CSMD1: variants seen among roughly 807,000 people sequenced by gnomAD.
CSMD1 encodes the protein CUB and Sushi multiple domains 1.
CSMD1 carries 213 observed loss-of-function variants against 417.5 expected under a neutral mutation model. The observed-to-expected ratio is 0.51, with a 90% CI of 0.46 to 0.57. The LOEUF is 0.57. Among genes scored for constraint, CSMD1 ranks in the 20% least tolerant of loss-of-function variants. The pLI, the probability that CSMD1 is intolerant of heterozygous loss-of-function variation, is 0.00. For synonymous variants in CSMD1, 2,862 were observed against 1,736.8 expected, an observed-to-expected ratio of 1.65 and a Z score of -16.11; for missense variants, 6,923 against 4,529.7, an observed-to-expected ratio of 1.53 and a Z score of -15.17.
intron 6 of CSMD1, among the ~76,000 whole-genome samples, chr8:3,747,843 T>A (rs1797135520): frequency 1.3e-5 from 2 of 152,330 alleles, no homozygotes; most frequent in Admixed American, 6.5e-5. Flanking sequence ...TTCAAGCTGT[T>A]TGTTTTAGTT....
intron 5 of CSMD1, among the ~76,000 whole-genome samples, chr8:3,762,707 G>A (rs11136661): frequency 0.2 from 30,108 of 152,172 alleles, 3,435 homozygotes; most frequent in South Asian, 0.29. Flanking sequence ...AAAGCTGTCC[G>A]TCTGCAAAGA....
At chr8:3,640,787 G>A (rs994117728) in intron 7 of CSMD1, among the ~76,000 whole-genome samples, 1 of 152,094 alleles carries the variant, frequency 6.6e-6, no homozygotes, top group Non-Finnish European at 1.5e-5. Flanking sequence ...GTGTGGGGAA[G>A]AGACGGCCTC....
At chr8:3,838,587 TC>T (rs1452892991) in intron 5 of CSMD1, among the ~76,000 whole-genome samples, 2 of 141,166 alleles carry the variant, frequency 1.4e-5, no homozygotes, top group South Asian at 2.2e-4. Flanking sequence ...ATATCTATAG[TC>T]CCTCTCTATA....
intron 5 of CSMD1, among the ~76,000 whole-genome samples, chr8:3,754,385 G>C (rs969302774): frequency 2.0e-5 from 3 of 152,090 alleles, no homozygotes; most frequent in Middle Eastern, 3.4e-3. Flanking sequence ...AAAAGAAATA[G>C]GAAAATGATA....
In CSMD1 at chr8:3,398,920, T is replaced by G. The variant is rs138250598; in HGVS notation, c.2405+471A>C. On this transcript the variant is annotated intron_variant, in intron 16 of 69. Coordinates refer to ENST00000635120, the MANE Select transcript of CSMD1 (RefSeq NM_033225.6). Reference sequence around the variant, plus strand: ...AGTGATAATGTCACTCATAGGCGATTAGTTGGTGATTGATCTGCTGTCCGC... The same window carrying G: ...AGTGATAATGTCACTCATAGGCGATGAGTTGGTGATTGATCTGCTGTCCGC... Among the ~76,000 whole-genome samples, 699 of 152,262 alleles carry G rather than the reference T, an allele frequency of 4.6e-3. 3 individuals carry two copies. Among genetic ancestry groups the G allele is most frequent in the Middle Eastern group, 0.034 (10 of 294 alleles).
At chr8:3,677,128 C>G (rs979904354) in intron 7 of CSMD1, among the ~76,000 whole-genome samples, 4 of 151,922 alleles carry the variant, frequency 2.6e-5, no homozygotes, top group African/African-American at 7.3e-5. Flanking sequence ...ATGTAACAAG[C>G]CTGCACATTC....
intron 7 of CSMD1, among the ~76,000 whole-genome samples, chr8:3,681,988 A>C (rs539161670): frequency 3.3e-5 from 5 of 152,224 alleles, no homozygotes; most frequent in Non-Finnish European, 2.9e-5. Context: ...GGCTAGCCAT[A>C]TGTAGAAAGG....
chr8:4,687,975 T>A (rs978116585), intron 1 of CSMD1, among the ~76,000 whole-genome samples: 21 of 152,216 alleles, frequency 1.4e-4, no homozygotes, highest in Non-Finnish European at 2.8e-4. Flanking sequence ...GTAGCATCTT[T>A]CACTGCTTCT....
intron 2 of CSMD1, among the ~76,000 whole-genome samples, chr8:4,516,800 G>C (rs992774743): frequency 6.6e-6 from 1 of 152,090 alleles, no homozygotes; most frequent in Non-Finnish European, 1.5e-5. Context: ...ACCAACCCAG[G>C]AGGTATTTAT....
chr8:4,638,430 A>G (rs574212139), intron 1 of CSMD1, among the ~76,000 whole-genome samples: 6 of 152,336 alleles, frequency 3.9e-5, no homozygotes, highest in Non-Finnish European at 5.9e-5. Flanking sequence ...AAGCTTATCA[A>G]GTTGAAAATA....
rs1257058429 is a variant in CSMD1, at chr8:3,930,462, T to C, written c.818+67441A>G. On this transcript the variant is annotated intron_variant, in intron 5 of 69. Coordinates refer to ENST00000635120, the MANE Select transcript of CSMD1 (RefSeq NM_033225.6). ...TCTTCTTCCTTATTTGAAGGTCTTTTTACCTTTCTCACCATTCCACAAGTT... is the reference window on the plus strand; with the variant it reads ...TCTTCTTCCTTATTTGAAGGTCTTTCTACCTTTCTCACCATTCCACAAGTT... Among the ~76,000 whole-genome samples, 10 of 150,626 alleles carry C rather than the reference T, an allele frequency of 6.6e-5. 1 individual carries two copies. The highest frequency in any genetic ancestry group is 9.8e-5 in the African/African-American group (4 of 40,816).
chr8:4,095,403 A>G (rs961273567), intron 3 of CSMD1, among the ~76,000 whole-genome samples: 6 of 152,020 alleles, frequency 3.9e-5, no homozygotes, highest in Non-Finnish European at 7.4e-5. Flanking sequence ...GTAAAAAAGA[A>G]AAAAAAATGA....
chr8:4,113,770 G>C (rs931000923), intron 3 of CSMD1, among the ~76,000 whole-genome samples: 6 of 152,162 alleles, frequency 3.9e-5, no homozygotes, highest in Admixed American at 1.3e-4. Flanking sequence ...GATGGAGAAA[G>C]TTTTCAAGTT....
rs35177877 is a variant in CSMD1, at chr8:4,579,320, A to ACATG, written c.302+58021_302+58022insCATG. Reference sequence around the variant, plus strand: ...TCCTCTTGCCAATGGTGAAGTTTAAACATACATACATACATATATATATAC... The same window carrying ACATG: ...TCCTCTTGCCAATGGTGAAGTTTAAACATGCATACATACATACATATATATATAC... On this transcript the variant is annotated intron_variant, in intron 2 of 69. Coordinates refer to ENST00000635120, the MANE Select transcript of CSMD1 (RefSeq NM_033225.6). 7.4e-4 allele frequency among the ~76,000 whole-genome samples: 45 copies of ACATG among 61,076 alleles called. No individual in the cohort carries two copies. In the East Asian group the frequency reaches 0.013, roughly 17 times the overall value. The allele number at this position is 61,076 out of a possible 152,430, so 40.1% of individuals were successfully genotyped here.
intron 3 of CSMD1, among the ~76,000 whole-genome samples, chr8:4,329,387 C>A (rs540480243): frequency 1.3e-5 from 2 of 152,226 alleles, no homozygotes; most frequent in African/African-American, 2.4e-5. Flanking sequence ...CTCCCAGGTA[C>A]AAGTGATTCT....
intron 3 of CSMD1, among the ~76,000 whole-genome samples, chr8:4,051,841 T>TG (rs1798440871): frequency 7.1e-6 from 1 of 140,836 alleles, no homozygotes; most frequent in Middle Eastern, 3.7e-3. Flanking sequence ...CTTTCTTTTC[T>TG]TTCTTTTCTT....
chr8:4,463,958 A>G (rs185008222), intron 2 of CSMD1, among the ~76,000 whole-genome samples: 241 of 152,296 alleles, frequency 1.6e-3, no homozygotes, highest in Middle Eastern at 0.01. Context: ...ACAGAGCGCA[A>G]TATGGGATAT....
chr8:3,807,848 C>T (rs1305719282), intron 5 of CSMD1, among the ~76,000 whole-genome samples: 5 of 152,164 alleles, frequency 3.3e-5, no homozygotes, highest in African/African-American at 1.2e-4. Flanking sequence ...AATGGAATGA[C>T]TGTGCTCCCT....
At position 4,524,937 on chromosome 8, in the gene CSMD1, A is replaced by G. The variant is rs1366845069; in HGVS notation, c.303-104872T>C. 2.6e-5 allele frequency among the ~76,000 whole-genome samples: 4 copies of G among 152,310 alleles called. No homozygotes were observed. In the South Asian group the frequency reaches 6.2e-4, roughly 24 times the overall value. On this transcript the variant is annotated intron_variant, in intron 2 of 69. Coordinates refer to ENST00000635120, the MANE Select transcript of CSMD1 (RefSeq NM_033225.6). ...ACAGCATTGCCACATTCAAAGCCAC[A>G]CTATCAGAAAACTGATGGCATCACA...
Sources: gnomAD v4.1 joint callset for allele counts (sites outside exome capture counted in the v4.1 genomes callset) on GRCh38, gnomAD v4.1.1 for gene constraint, MANE v1.5 for transcripts, NCBI Gene and HGNC (gene_info 2026-07-23, HGNC 2026-07-21) for gene names.